Variants in MTMR8 observed in about 807,000 individuals in gnomAD.
The protein encoded by MTMR8 is phosphatidylinositol-3,5-bisphosphate 3-phosphatase MTMR8.
Under a neutral mutation model 39.3 loss-of-function variants are expected in MTMR8, and 65 were observed. That is an observed-to-expected ratio of 1.65 (90% CI 1.35 to 2.03). The LOEUF (loss-of-function observed/expected upper bound fraction) is 2.03, where lower values mean the gene tolerates loss of function less well. Among genes scored for constraint, MTMR8 ranks in the 30% most tolerant of loss-of-function variants. The probability of loss-of-function intolerance (pLI) is 0.00; values close to 1 mark genes in which losing one functional copy is unlikely to be tolerated. For synonymous variants in MTMR8, 245 were observed against 185.2 expected (o/e 1.32, Z -2.62); for missense variants, 777 against 538.9 (o/e 1.44, Z -4.37).
intron 6 of MTMR8, among the ~76,000 whole-genome samples, chrX:64,346,898 G>A (rs1350865640): frequency 9.0e-6 from 1 of 111,100 alleles, no homozygotes; most frequent in Non-Finnish European, 1.9e-5. Flanking sequence ...AATATTTATT[G>A]TAATGTAATA....
At chrX:64,279,529 CTT>C (rs764914042) in intron 12 of MTMR8, among the ~76,000 whole-genome samples, 6 of 112,030 alleles carry the variant, frequency 5.4e-5, no homozygotes, top group African/African-American at 1.9e-4. Context: ...AATTGAAAGA[CTT>C]AATATTGTTA....
intron 12 of MTMR8, among the ~76,000 whole-genome samples, chrX:64,276,374 G>C (rs1350557620): frequency 9.0e-6 from 1 of 111,444 alleles, no homozygotes; most frequent in Non-Finnish European, 1.9e-5. Context: ...AGTTCTAGAT[G>C]TTAGGGTGCT....
intron 1 of MTMR8, among the ~76,000 whole-genome samples, chrX:64,379,345 TA>T: frequency 8.9e-6 from 1 of 112,122 alleles, no homozygotes; most frequent in East Asian, 2.8e-4. Flanking sequence ...TACAGACTAA[TA>T]TTTTTCATGA....
chrX:64,295,344 T>C (rs1231807935), intron 12 of MTMR8, among the ~76,000 whole-genome samples: 1 of 111,524 alleles, frequency 9.0e-6, no homozygotes, highest in Admixed American at 9.6e-5. Flanking sequence ...TCACAAGATT[T>C]ACAAGACTAA....
chrX:64,311,994 T>A (rs766364416), intron 12 of MTMR8, among the ~76,000 whole-genome samples: 1 of 111,367 alleles, frequency 9.0e-6, no homozygotes, highest in South Asian at 3.8e-4. Context: ...CAGGCTCTTT[T>A]TTGGTTCCAT....
intron 12 of MTMR8, among the ~76,000 whole-genome samples, chrX:64,301,747 G>A (rs1921885466): frequency 9.0e-6 from 1 of 111,488 alleles, no homozygotes; most frequent in Non-Finnish European, 1.9e-5. Context: ...ATGTACAGAT[G>A]GGTTTTCGGT....
At chrX:64,315,308 G>A (rs1922435064) in intron 12 of MTMR8, among the ~76,000 whole-genome samples, 1 of 111,727 alleles carries the variant, frequency 9.0e-6, no homozygotes, top group Admixed American at 9.5e-5. Flanking sequence ...ACAAGTCCCA[G>A]GCATGGTGGC....
rs150593557 is a variant in MTMR8 at position 64,382,563 on chromosome X, A to G, written c.24+12777T>C. On this transcript the variant is annotated intron_variant, in intron 1 of 13. Coordinates refer to ENST00000374852, the MANE Select transcript of MTMR8 (RefSeq NM_017677.4). ...GTCATCTGCAAACAGGGACAATTTG[A>G]CTTCCTATTTCCCTAATTGAATACC... Among the ~76,000 whole-genome samples, 6 of 111,232 alleles carry G rather than the reference A, an allele frequency of 5.4e-5. No homozygotes were observed. In the East Asian group the frequency reaches 1.1e-3, roughly 21 times the overall value.
At chrX:64,332,839 C>G (rs1922978670) in intron 10 of MTMR8, among the ~76,000 whole-genome samples, 1 of 111,730 alleles carries the variant, frequency 9.0e-6, no homozygotes, top group African/African-American at 3.2e-5. Flanking sequence ...AGTTCTTACT[C>G]CATCTTTGAA....
chrX:64,370,477 A>G (rs769405757), intron 1 of MTMR8, among the ~76,000 whole-genome samples: 4 of 111,671 alleles, frequency 3.6e-5, no homozygotes, highest in Non-Finnish European at 5.7e-5. Flanking sequence ...ATGAGTCATT[A>G]GCCCAAAGTC....
chrX:64,353,103 G>A (rs1923527093), intron 4 of MTMR8, among the ~76,000 whole-genome samples: 1 of 111,762 alleles, frequency 8.9e-6, no homozygotes, highest in African/African-American at 3.3e-5. Context: ...ATATTTGGGG[G>A]AAATAAGTCT....
At chrX:64,333,825 G>A (rs772589634) in intron 10 of MTMR8, among the ~76,000 whole-genome samples, 2 of 111,760 alleles carry the variant, frequency 1.8e-5, no homozygotes, top group East Asian at 2.8e-4. Flanking sequence ...TGCCAAAGTC[G>A]ATTCTTGGGT....
At chrX:64,319,679 T>C (rs1392834743) in intron 12 of MTMR8, among the ~76,000 whole-genome samples, 1 of 110,243 alleles carries the variant, frequency 9.1e-6, no homozygotes, top group Admixed American at 9.7e-5. Flanking sequence ...CCCATTGCTT[T>C]TTTTTGTCAG....
intron 12 of MTMR8, among the ~76,000 whole-genome samples, chrX:64,311,442 G>T (rs1301719410): frequency 9.0e-6 from 1 of 111,294 alleles, no homozygotes; most frequent in Non-Finnish European, 1.9e-5. Flanking sequence ...CATTCTGTAG[G>T]TTGCCTGTTC....
Position 64,328,806 on chromosome X carries a change from C to T in MTMR8, c.1447G>A (p.Val483Ile). The T allele has an allele frequency of 2.5e-6, 3 of 1,197,528 alleles. No homozygotes were observed. Among genetic ancestry groups the T allele is most frequent in the Non-Finnish European group, 3.4e-6 (3 of 889,767 alleles). ...PLYKGFTMYG[V>I]LNPSTVPYNI... ...TAGGGCACAGTACTAGGATTGAGTA[C>T]CCCATACATAGTGAAGCCTTTATAG... The change falls in exon 12 of 14, where the codon GTA becomes ATA. Residue 483 changes from valine (V) to isoleucine (I), a missense_variant. By Grantham distance (29) the Val-to-Ile change is conservative. Transcript: ENST00000374852.
intron 12 of MTMR8, among the ~76,000 whole-genome samples, chrX:64,309,606 T>G (rs1028326919): frequency 8.9e-6 from 1 of 111,832 alleles, no homozygotes; most frequent in Non-Finnish European, 1.9e-5. Context: ...CTTAATTCTA[T>G]GGCTAGGACT....
At chrX:64,363,244 A>C (rs1485545463) in intron 1 of MTMR8, among the ~76,000 whole-genome samples, 3 of 112,056 alleles carry the variant, frequency 2.7e-5, no homozygotes, top group Admixed American at 9.4e-5. Flanking sequence ...CAGGTAATAC[A>C]GTTTGGATAC....
chrX:64,307,174 G>T (rs917701100), intron 12 of MTMR8, among the ~76,000 whole-genome samples: 3 of 111,703 alleles, frequency 2.7e-5, no homozygotes, highest in Non-Finnish European at 5.6e-5. Flanking sequence ...TTTGTTACTG[G>T]ATACGTTATT....
chrX:64,360,689 AATTAACCTT>A (rs1923756101), intron 1 of MTMR8, among the ~76,000 whole-genome samples: 1 of 111,846 alleles, frequency 8.9e-6, no homozygotes, highest in Non-Finnish European at 1.9e-5. Context: ...CTTATTACTA[AATTAACCTT>A]GGGTTAAAAA....
Sources: gnomAD v4.1 joint callset for allele counts (sites outside exome capture counted in the v4.1 genomes callset) on GRCh38, gnomAD v4.1.1 for gene constraint, MANE v1.5 for transcripts, NCBI Gene and HGNC (gene_info 2026-07-23, HGNC 2026-07-21) for gene names.